Variants in CFAP299 observed in about 807,000 individuals in gnomAD.
CFAP299 encodes the protein cilia and flagella associated protein 299, also known as cilia- and flagella-associated protein 299.
In CFAP299, 21 loss-of-function variants were observed where a neutral mutation model predicts 27.0. That is an observed-to-expected ratio of 0.78 (90% CI 0.55 to 1.12). The LOEUF (loss-of-function observed/expected upper bound fraction) is 1.12, where lower values mean the gene tolerates loss of function less well. Among genes scored for constraint, CFAP299 ranks in the 50% most tolerant of loss-of-function variants. The probability of loss-of-function intolerance (pLI) is 0.00; values close to 1 mark genes in which losing one functional copy is unlikely to be tolerated. For synonymous variants in CFAP299, 104 were observed against 98.1 expected (o/e 1.06, Z -0.36); for missense variants, 310 against 276.6 (o/e 1.12, Z -0.86).
chr4:80,833,110 C>T (rs1730385669), intron 3 of CFAP299, among the ~76,000 whole-genome samples: 2 of 152,104 alleles, frequency 1.3e-5, no homozygotes, highest in South Asian at 4.2e-4. Context: ...TTACATTACT[C>T]AGCATGTGAT....
At chr4:80,409,410 C>G (rs1465890223) in intron 2 of CFAP299, among the ~76,000 whole-genome samples, 1 of 152,070 alleles carries the variant, frequency 6.6e-6, no homozygotes, top group Non-Finnish European at 1.5e-5. Context: ...TGGGACTCAC[C>G]ATTTTTACAA....
At chr4:80,695,984 G>A (rs1721063873) in intron 3 of CFAP299, among the ~76,000 whole-genome samples, 1 of 152,056 alleles carries the variant, frequency 6.6e-6, no homozygotes, top group Non-Finnish European at 1.5e-5. Flanking sequence ...TGGGGATAAA[G>A]CCTGTCATAT....
At chr4:80,329,769 C>T in the CFAP299 span, among the ~76,000 whole-genome samples, 10 of 151,900 alleles carry the variant, frequency 6.6e-5, no homozygotes, top group African/African-American at 1.2e-4. Context: ...GAGTACCTGA[C>T]GAGCTTTGAT....
At chr4:80,434,040 T>A (rs967416307) in intron 2 of CFAP299, among the ~76,000 whole-genome samples, 6 of 152,196 alleles carry the variant, frequency 3.9e-5, no homozygotes, top group Admixed American at 1.3e-4. Context: ...ATGCCTGTTA[T>A]GTATCAGGCA....
At chr4:80,714,621 G>C (rs929803641) in intron 3 of CFAP299, among the ~76,000 whole-genome samples, 5 of 152,056 alleles carry the variant, frequency 3.3e-5, no homozygotes, top group African/African-American at 1.2e-4. Flanking sequence ...GAGTCATGTT[G>C]AGTCCATCAA....
At chr4:80,642,821 T>C (rs1194948654) in intron 3 of CFAP299, among the ~76,000 whole-genome samples, 4 of 152,090 alleles carry the variant, frequency 2.6e-5, no homozygotes, top group Non-Finnish European at 1.5e-5. Context: ...GTTTATGGTC[T>C]CCTACATGCC....
At chr4:80,572,288 T>C (rs957247800) in intron 2 of CFAP299, among the ~76,000 whole-genome samples, 2 of 152,024 alleles carry the variant, frequency 1.3e-5, no homozygotes, top group African/African-American at 4.8e-5. Flanking sequence ...CTGTTTTTTT[T>C]TGAACCTGTT....
At position 80,870,024 on chromosome 4, in the gene CFAP299, A is replaced by G. The variant is rs760896411; in HGVS notation, c.365A>G (p.His122Arg). 3.1e-6 allele frequency: 5 copies of G among 1,612,544 alleles called. No homozygotes were observed. The highest frequency in any genetic ancestry group is 4.2e-6 in the Non-Finnish European group (5 of 1,179,042). Residue 122 changes from histidine (H) to arginine (R), a missense_variant, in exon 4 of 6, where the codon CAT (histidine) becomes CGT (arginine). Physicochemically the swap from His to Arg is conservative, Grantham distance 29 (BLOSUM62 0). Transcript: ENST00000358105. ...SVIFIRDRNS[H>R]GQEISGYIDY... ...ATCTTTATTCGTGACAGAAATTCTC[A>G]TGGGCAAGAGATATCAGGATACATC...
At chr4:80,451,786 A>G (rs1371634235) in intron 2 of CFAP299, among the ~76,000 whole-genome samples, 2 of 152,218 alleles carry the variant, frequency 1.3e-5, no homozygotes, top group Admixed American at 6.5e-5. Context: ...AAACTATGCT[A>G]TTGGCAAGAT....
chr4:80,437,663 G>C (rs1438679773), intron 2 of CFAP299, among the ~76,000 whole-genome samples: 1 of 152,102 alleles, frequency 6.6e-6, no homozygotes, highest in Non-Finnish European at 1.5e-5. Context: ...ATCTTCCAAG[G>C]CTGGTCACTA....
At chr4:80,831,340 G>T (rs1730288983) in intron 3 of CFAP299, among the ~76,000 whole-genome samples, 2 of 152,220 alleles carry the variant, frequency 1.3e-5, no homozygotes, top group South Asian at 4.1e-4. Context: ...TATTATCAGT[G>T]TTTTTCAGCC....
chr4:80,796,017 T>G (rs1314596281), intron 3 of CFAP299, among the ~76,000 whole-genome samples: 1 of 152,146 alleles, frequency 6.6e-6, no homozygotes, highest in Non-Finnish European at 1.5e-5. Context: ...ACAGAGCAGC[T>G]TGCACAGTAG....
chr4:80,721,720 G>T (rs1722822545), intron 3 of CFAP299, among the ~76,000 whole-genome samples: 1 of 152,072 alleles, frequency 6.6e-6, no homozygotes, highest in Admixed American at 6.6e-5. Flanking sequence ...GGAGAGGGAA[G>T]GGAAAATACA....
intron 1 of CFAP299, among the ~76,000 whole-genome samples, chr4:80,347,299 T>C (rs918685488): frequency 2.6e-5 from 4 of 152,174 alleles, no homozygotes; most frequent in African/African-American, 9.7e-5. Context: ...GGCCAGAACT[T>C]CTAACACTAT....
At chr4:80,779,757 G>T (rs568306708) in intron 3 of CFAP299, among the ~76,000 whole-genome samples, 1 of 151,778 alleles carries the variant, frequency 6.6e-6, no homozygotes, top group Non-Finnish European at 1.5e-5. Flanking sequence ...CCCCCTAATT[G>T]GCACTGTTGT....
chr4:80,879,005 A>G (rs902281876), intron 4 of CFAP299, among the ~76,000 whole-genome samples: 7 of 152,140 alleles, frequency 4.6e-5, no homozygotes, highest in Admixed American at 2.0e-4. Context: ...CTACTGTCCT[A>G]TAGCTTCCCT....
chr4:80,818,030 T>C (rs1729514202), intron 3 of CFAP299, among the ~76,000 whole-genome samples: 1 of 151,884 alleles, frequency 6.6e-6, no homozygotes, highest in Non-Finnish European at 1.5e-5. Context: ...CCAGTGTGAG[T>C]GTGGTAATTC....
At chr4:80,492,499 G>A (rs1731189411) in intron 2 of CFAP299, among the ~76,000 whole-genome samples, 4 of 152,104 alleles carry the variant, frequency 2.6e-5, no homozygotes. Context: ...ACTAACAGGA[G>A]TTTAAAAGCA....
At chr4:80,801,141 T>C (rs1728569554) in intron 3 of CFAP299, among the ~76,000 whole-genome samples, 1 of 151,100 alleles carries the variant, frequency 6.6e-6, no homozygotes. Context: ...TTTGCATCTT[T>C]CAGTCAAATC....
Sources: allele counts gnomAD v4.1 joint callset (sites outside exome capture counted in the v4.1 genomes callset), GRCh38; gene constraint gnomAD v4.1.1; transcripts MANE v1.5; gene names NCBI Gene and HGNC (gene_info 2026-07-23, HGNC 2026-07-21).